Variants in SPIRE1 observed in about 807,000 individuals in gnomAD.
SPIRE1 encodes the protein spire type actin nucleation factor 1.
SPIRE1 carries 40 observed loss-of-function variants against 94.1 expected under a neutral mutation model. The observed-to-expected ratio is 0.43, with a 90% CI of 0.33 to 0.55. SPIRE1 has a LOEUF of 0.55. Ranked by LOEUF, SPIRE1 falls within the 20% of genes least tolerant of loss-of-function variation. The probability of loss-of-function intolerance (pLI) is 0.06; values close to 1 mark genes in which losing one functional copy is unlikely to be tolerated. For synonymous variants in SPIRE1, 376 were observed against 371.7 expected, an observed-to-expected ratio of 1.01 and a Z score of -0.13; for missense variants, 838 against 975.2, an observed-to-expected ratio of 0.86 and a Z score of 1.87.
At position 12,581,903 on chromosome 18, in the gene SPIRE1, TTA is replaced by T. The variant is rs367656503; in HGVS notation, c.373-35001_373-35000del. Among the ~76,000 whole-genome samples, 685 of 152,266 alleles carry T rather than the reference TTA, an allele frequency of 4.5e-3. 6 individuals carry two copies. Among genetic ancestry groups the T allele is most frequent in the African/African-American group, 0.016 (647 of 41,544 alleles). On this transcript the variant is annotated intron_variant, in intron 2 of 16. Coordinates refer to ENST00000409402, the MANE Select transcript of SPIRE1 (RefSeq NM_001128626.2). ...ATGAGAGACTGTTGTTCTAAAATGC[TTA>T]GTTTCAGAACACAGACAACAAGAAA...
At chr18:12,624,542 C>CA (rs549240260) in intron 2 of SPIRE1, among the ~76,000 whole-genome samples, 10,725 of 75,388 alleles carry the variant, frequency 0.14, 673 homozygotes, top group Middle Eastern at 0.21. Flanking sequence ...GACACTGACT[C>CA]AAAAAAAAAA....
intron 3 of SPIRE1, among the ~76,000 whole-genome samples, chr18:12,538,454 T>C (rs1429970378): frequency 2.0e-5 from 3 of 152,152 alleles, no homozygotes; most frequent in Non-Finnish European, 4.4e-5. Context: ...ACTTCTAAAT[T>C]AAACTGAAAT....
chr18:12,476,656 A>C (rs910396105), intron 10 of SPIRE1, among the ~76,000 whole-genome samples: 1 of 148,452 alleles, frequency 6.7e-6, no homozygotes, highest in Non-Finnish European at 1.5e-5. Flanking sequence ...AGAATTTCAA[A>C]TATATATAAA....
At chr18:12,556,179 T>C (rs563416218) in intron 2 of SPIRE1, among the ~76,000 whole-genome samples, 1 of 152,070 alleles carries the variant, frequency 6.6e-6, no homozygotes, top group Non-Finnish European at 1.5e-5. Flanking sequence ...AATGGAAAGA[T>C]AGTCGATGTT....
intron 8 of SPIRE1, among the ~76,000 whole-genome samples, chr18:12,486,946 G>A (rs11080579): frequency 0.088 from 13,408 of 152,166 alleles, 1,173 homozygotes; most frequent in African/African-American, 0.22. Flanking sequence ...TCCGCCTCCC[G>A]GGTTCAAGCA....
chr18:12,633,039 G>A (rs2037826204), intron 2 of SPIRE1, among the ~76,000 whole-genome samples: 1 of 152,006 alleles, frequency 6.6e-6, no homozygotes, highest in African/African-American at 2.4e-5. Context: ...AATTTCATAA[G>A]CTATGAGGTT....
chr18:12,461,414 ATGTG>A (rs5823218), intron 12 of SPIRE1, among the ~76,000 whole-genome samples: 35 of 140,036 alleles, frequency 2.5e-4, no homozygotes, highest in African/African-American at 6.7e-4. Context: ...ATACACATGT[ATGTG>A]TGTGTGTGTG....
At chr18:12,538,552 C>T (rs1567918229) in intron 3 of SPIRE1, among the ~76,000 whole-genome samples, 1 of 152,110 alleles carries the variant, frequency 6.6e-6, no homozygotes. Context: ...GCTTTAAATG[C>T]CACCTATAGG....
chr18:12,619,034 G>A lies in SPIRE1; in HGVS notation c.372+16028C>T, dbSNP rs534408872. ...TGAGTAGCTGGGATTACAGGCACCC[G>A]CCACCACGCCTGGCTAATTTTGTAT... On this transcript the variant is annotated intron_variant, in intron 2 of 16. Coordinates refer to ENST00000409402, the MANE Select transcript of SPIRE1 (RefSeq NM_001128626.2). Among the ~76,000 whole-genome samples, 209 of 151,816 alleles carry A rather than the reference G, an allele frequency of 1.4e-3. 1 individual carries two copies. The highest frequency in any genetic ancestry group is 0.014 in the Middle Eastern group (4 of 292).
At chr18:12,554,211 T>C (rs937889383) in intron 2 of SPIRE1, among the ~76,000 whole-genome samples, 3 of 151,304 alleles carry the variant, frequency 2.0e-5, no homozygotes, top group Admixed American at 6.6e-5. Context: ...ACGCACAGAA[T>C]TGCTTAAACC....
intron 2 of SPIRE1, among the ~76,000 whole-genome samples, chr18:12,552,397 G>T (rs1185517561): frequency 6.6e-6 from 1 of 151,998 alleles, no homozygotes; most frequent in Non-Finnish European, 1.5e-5. Flanking sequence ...TTTTCCACTT[G>T]AAGAGAGGAG....
intron 2 of SPIRE1, among the ~76,000 whole-genome samples, chr18:12,556,865 G>A (rs998606530): frequency 3.9e-5 from 6 of 152,284 alleles, no homozygotes; most frequent in Admixed American, 2.0e-4. Context: ...GGACCCCAGC[G>A]GGTTGCCACT....
intron 2 of SPIRE1, among the ~76,000 whole-genome samples, chr18:12,600,261 G>A (rs1034574771): frequency 1.3e-5 from 2 of 152,138 alleles, no homozygotes; most frequent in Non-Finnish European, 2.9e-5. Flanking sequence ...ACCCTGAACA[G>A]AGGACCCAGC....
chr18:12,541,470 G>A (rs1291657044), intron 3 of SPIRE1, among the ~76,000 whole-genome samples: 1 of 152,110 alleles, frequency 6.6e-6, no homozygotes. Context: ...TTTGAATGTT[G>A]TTCAATGCTA....
chr18:12,617,942 T>C (rs1038391819), intron 2 of SPIRE1, among the ~76,000 whole-genome samples: 1 of 152,106 alleles, frequency 6.6e-6, no homozygotes, highest in African/African-American at 2.4e-5. Context: ...TAGTACAGGG[T>C]CTATAAATAG....
intron 2 of SPIRE1, among the ~76,000 whole-genome samples, chr18:12,627,312 T>C (rs1429744615): frequency 6.6e-6 from 1 of 151,588 alleles, no homozygotes; most frequent in African/African-American, 2.4e-5. Flanking sequence ...ACATGTGGTG[T>C]TTGGTTTTCC....
At chr18:12,553,763 A>T (rs1025652144) in intron 2 of SPIRE1, among the ~76,000 whole-genome samples, 5 of 152,182 alleles carry the variant, frequency 3.3e-5, no homozygotes, top group African/African-American at 1.2e-4. Flanking sequence ...AAACAACCTA[A>T]AAATGCATCC....
At chr18:12,502,397 C>T (rs573080907) in intron 6 of SPIRE1, among the ~76,000 whole-genome samples, 1 of 152,164 alleles carries the variant, frequency 6.6e-6, no homozygotes, top group South Asian at 2.1e-4. Flanking sequence ...TGAATAATTC[C>T]TTCTGGATAA....
chr18:12,577,115 C>T lies in SPIRE1; in HGVS notation c.373-30211G>A, dbSNP rs184951578. ...ATCTGAAAAAAGAATAGCCCAGACC[C>T]CTGCCTCATACCATATACAAAAATT... On this transcript the variant is annotated intron_variant, in intron 2 of 16. Coordinates refer to ENST00000409402, the MANE Select transcript of SPIRE1 (RefSeq NM_001128626.2). Among the ~76,000 whole-genome samples the T allele has an allele frequency of 4.0e-3, 607 of 152,062 alleles. 7 individuals are homozygous for T. The highest frequency in any genetic ancestry group is 6.2e-3 in the Non-Finnish European group (421 of 67,964).
Sources: gnomAD v4.1 joint callset for allele counts (sites outside exome capture counted in the v4.1 genomes callset) on GRCh38, gnomAD v4.1.1 for gene constraint, MANE v1.5 for transcripts, NCBI Gene and HGNC (gene_info 2026-07-23, HGNC 2026-07-21) for gene names.